AIG1: variants seen among roughly 807,000 people sequenced by gnomAD.
AIG1 encodes the protein androgen induced 1.
A neutral mutation model predicts 31.4 loss-of-function variants in AIG1; 23 were observed. The ratio of observed to expected loss-of-function variants is 0.73; its 90% CI spans 0.53 to 1.04. AIG1 has a LOEUF of 1.04. AIG1 is among the 50% of genes least tolerant of loss of function. The pLI, the probability that AIG1 is intolerant of heterozygous loss-of-function variation, is 0.00. For missense variants in AIG1, 274 were observed against 295.0 expected, an observed-to-expected ratio of 0.93 and a Z score of 0.52; for synonymous variants, 100 against 110.5, an observed-to-expected ratio of 0.90 and a Z score of 0.60.
chr6:143,242,611 G>A (rs1001171676), intron 3 of AIG1, among the ~76,000 whole-genome samples: 11 of 152,220 alleles, frequency 7.2e-5, no homozygotes, highest in Admixed American at 5.9e-4. Context: ...CAGCCACGTT[G>A]TTAGAGTTAG....
At chr6:143,266,341 C>T (rs1193721140) in intron 3 of AIG1, among the ~76,000 whole-genome samples, 8 of 99,562 alleles carry the variant, frequency 8.0e-5, no homozygotes, top group South Asian at 4.1e-4. Flanking sequence ...AGTAAGAGTC[C>T]GTCTCAAAAA....
At chr6:143,144,384 G>C (rs1784544098) in intron 2 of AIG1, among the ~76,000 whole-genome samples, 1 of 152,118 alleles carries the variant, frequency 6.6e-6, no homozygotes, top group Non-Finnish European at 1.5e-5. Context: ...GCCTAGGGAG[G>C]GTGGCTTTAT....
In AIG1 at chr6:143,284,339, T is replaced by C. The variant is rs1297366438; in HGVS notation, c.515+114T>C. 1.4e-6 allele frequency: 1 copy of C among 717,806 alleles called. No individual in the cohort carries two copies. Among genetic ancestry groups the C allele is most frequent in the African/African-American group, 1.8e-5 (1 of 56,250 alleles). 44.5% of individuals were successfully genotyped at this position (717,806 alleles called of 1,614,324 possible). A position where few individuals can be genotyped will look rare whatever the true frequency, so the allele number is the denominator to read the frequency against. On this transcript the variant is annotated intron_variant, in intron 4 of 5. Coordinates refer to ENST00000357847, the MANE Select transcript of AIG1 (RefSeq NM_016108.4). The surrounding 1 kb of genome is among the most constrained non-coding windows in gnomAD (Gnocchi z 4.4). ...AACAGATTCACGCTGTGTGCCGCAT[T>C]TGGTCCAAGACCTGGGCTTTGTCTC...
At chr6:143,287,178 A>G (rs1459365213) in intron 4 of AIG1, among the ~76,000 whole-genome samples, 1 of 151,636 alleles carries the variant, frequency 6.6e-6, no homozygotes, top group African/African-American at 2.4e-5. Context: ...ATTTTCCCTA[A>G]TCAATGAGAG....
chr6:143,174,691 G>A (rs1280109463), intron 3 of AIG1, among the ~76,000 whole-genome samples: 2 of 151,332 alleles, frequency 1.3e-5, no homozygotes, highest in East Asian at 1.9e-4. Context: ...GAGGATTTAG[G>A]CCATTTACAT....
chr6:143,264,164 C>T (rs17072404), intron 3 of AIG1, among the ~76,000 whole-genome samples: 1,587 of 152,238 alleles, frequency 0.01, 45 homozygotes, highest in East Asian at 0.065. Context: ...CGTATGAGCG[C>T]GTATATGCTT....
At position 143,339,940 on chromosome 6, in the gene AIG1, C is replaced by T; in HGVS notation, c.*264C>T. On this transcript the variant is annotated 3_prime_UTR_variant, in exon 6 of 6. Coordinates refer to ENST00000357847, the MANE Select transcript of AIG1 (RefSeq NM_016108.4). Reference sequence around the variant, plus strand: ...ATTTTTTCCTTTTCTAGTTTTAAAACCAGAATTGGACCTTGGATTTTTATT... The same window carrying T: ...ATTTTTTCCTTTTCTAGTTTTAAAATCAGAATTGGACCTTGGATTTTTATT... 1 of 315,600 alleles carries T rather than the reference C, an allele frequency of 3.2e-6. No individual in the cohort carries two copies. The highest frequency in any genetic ancestry group is 5.7e-6 in the Non-Finnish European group (1 of 174,986). 19.5% of individuals were successfully genotyped at this position (315,600 alleles called of 1,614,324 possible).
chr6:143,073,499 T>C (rs1777473657), intron 1 of AIG1, among the ~76,000 whole-genome samples: 1 of 152,216 alleles, frequency 6.6e-6, no homozygotes, highest in Non-Finnish European at 1.5e-5. Context: ...CTGCCAACAG[T>C]GTACAAGAGT....
Position 143,293,394 on chromosome 6 carries a change from A to G in AIG1, c.515+9169A>G, listed in dbSNP as rs901800085. On this transcript the variant is annotated intron_variant, in intron 4 of 5. Transcript: ENST00000357847. The surrounding 1 kb of genome is among the most constrained non-coding windows in gnomAD (Gnocchi z 4.8). Reference sequence around the variant, plus strand: ...TCTGCTTTTCCCATGAGATTCGAGAATGTCATTGCTTTCCCATTATTCCAA... The same window carrying G: ...TCTGCTTTTCCCATGAGATTCGAGAGTGTCATTGCTTTCCCATTATTCCAA... Among the ~76,000 whole-genome samples the G allele has an allele frequency of 2.6e-5, 4 of 152,200 alleles. No individual in the cohort carries two copies. The highest frequency in any genetic ancestry group is 6.5e-5 in the Admixed American group (1 of 15,278).
intron 1 of AIG1, among the ~76,000 whole-genome samples, chr6:143,077,802 T>A (rs1346663575): frequency 6.6e-6 from 1 of 152,232 alleles, no homozygotes; most frequent in Non-Finnish European, 1.5e-5. Context: ...CTTTCATTTC[T>A]TCTTCTGCCA....
chr6:143,259,010 G>T (rs77113970), intron 3 of AIG1, among the ~76,000 whole-genome samples: 1,566 of 152,268 alleles, frequency 0.01, 43 homozygotes, highest in East Asian at 0.065. Flanking sequence ...AAGACAAAAG[G>T]GCAGTGGATC....
chr6:143,187,852 G>A (rs1789415127), intron 3 of AIG1: 3 of 1,440,206 alleles, frequency 2.1e-6, no homozygotes, highest in Admixed American at 5.5e-5. Context: ...CTCAAGCGAT[G>A]TACAGAAGGG....
chr6:143,331,898 G>A lies in AIG1; in HGVS notation c.516-1384G>A, dbSNP rs1224432949. On this transcript the variant is annotated intron_variant, in intron 4 of 5. Coordinates refer to ENST00000357847, the MANE Select transcript of AIG1 (RefSeq NM_016108.4). This position sits in a 1 kb window ranked among gnomAD's most constrained non-coding sequence, Gnocchi z 4.1. The stretch of plus-strand genomic sequence containing the variant: ...ATTATTATTATTATTTTGAGACCAA[G>A]TCTCACTTTGTCACCCAGGCTGGAG... Among the ~76,000 whole-genome samples the A allele has an allele frequency of 1.4e-5, 2 of 146,558 alleles. No homozygotes were observed. The highest frequency in any genetic ancestry group is 3.0e-5 in the Non-Finnish European group (2 of 67,218).
At chr6:143,187,508 C>T (rs1041748838) in intron 3 of AIG1, 12 of 1,534,536 alleles carry the variant, frequency 7.8e-6, no homozygotes, top group Middle Eastern at 1.7e-4. Flanking sequence ...AATCACTTAC[C>T]ACATTTTTTA....
rs1797521963 is a variant in AIG1, at chr6:143,284,015, A to G, written c.400-95A>G. 2.5e-6 allele frequency: 2 copies of G among 806,324 alleles called. No homozygotes were observed. Among genetic ancestry groups the G allele is most frequent in the Admixed American group, 5.2e-5 (2 of 38,236 alleles). The allele number at this position is 806,324 out of a possible 1,614,324, so 49.9% of individuals were successfully genotyped here. A position where few individuals can be genotyped will look rare whatever the true frequency, so the allele number is the denominator to read the frequency against. On this transcript the variant is annotated intron_variant, in intron 3 of 5. Coordinates refer to ENST00000357847, the MANE Select transcript of AIG1 (RefSeq NM_016108.4). This position sits in a 1 kb window ranked among gnomAD's most constrained non-coding sequence, Gnocchi z 4.4. ...ACTTCTTTCTGCCTGACACTTTCCT[A>G]GGAATTTATAGTGTGCATTCTCCTA...
chr6:143,192,835 A>ATTT (rs1789914478), intron 3 of AIG1, among the ~76,000 whole-genome samples: 3 of 152,332 alleles, frequency 2.0e-5, no homozygotes, highest in Admixed American at 2.0e-4. Flanking sequence ...TCAAGTCCAA[A>ATTT]CAAATTTACA....
chr6:143,284,718 A>G lies in AIG1; in HGVS notation c.515+493A>G, dbSNP rs1371482944. Among the ~76,000 whole-genome samples the G allele has an allele frequency of 6.6e-6, 1 of 152,182 alleles. No individual in the cohort carries two copies. The highest frequency in any genetic ancestry group is 1.5e-5 in the Non-Finnish European group (1 of 68,028). On this transcript the variant is annotated intron_variant, in intron 4 of 5. Coordinates refer to ENST00000357847, the MANE Select transcript of AIG1 (RefSeq NM_016108.4). This position sits in a 1 kb window ranked among gnomAD's most constrained non-coding sequence, Gnocchi z 4.4. ...TTAACTGTTACATGGAGAATGCATT[A>G]AACTGTTCTGTTTTTAAATATTGGG...
chr6:143,152,673 A>G (rs535406987), intron 2 of AIG1, among the ~76,000 whole-genome samples: 2 of 152,344 alleles, frequency 1.3e-5, no homozygotes, highest in Non-Finnish European at 2.9e-5. Flanking sequence ...TTAGAATGGT[A>G]AAATGTTCAC....
chr6:143,113,269 A>G (rs2128492139), intron 1 of AIG1, among the ~76,000 whole-genome samples: 1 of 152,182 alleles, frequency 6.6e-6, no homozygotes, highest in South Asian at 2.1e-4. Context: ...TAAAGCCTTG[A>G]AAGATTCATT....
Sources: allele counts gnomAD v4.1 joint callset (sites outside exome capture counted in the v4.1 genomes callset), GRCh38; gene constraint gnomAD v4.1.1; non-coding constraint Gnocchi (gnomAD v3.1); transcripts MANE v1.5; gene names NCBI Gene and HGNC (gene_info 2026-07-23, HGNC 2026-07-21).